METTL8: variants seen among roughly 807,000 people sequenced by gnomAD.
METTL8 encodes tRNA N(3)-cytidine methyltransferase METTL8, mitochondrial.
A neutral mutation model predicts 48.7 loss-of-function variants in METTL8; 32 were observed. The ratio of observed to expected loss-of-function variants is 0.66; its 90% CI spans 0.50 to 0.88. The LOEUF (loss-of-function observed/expected upper bound fraction) is 0.88, where lower values mean the gene tolerates loss of function less well. Ranked by LOEUF, METTL8 falls within the 40% of genes least tolerant of loss-of-function variation. The pLI is 0.00. For synonymous variants in METTL8, 136 were observed against 157.1 expected, an observed-to-expected ratio of 0.87 and a Z score of 1.01; for missense variants, 464 against 474.4, an observed-to-expected ratio of 0.98 and a Z score of 0.20.
At chr2:171,367,180 A>C (rs1685818897) in intron 2 of METTL8, among the ~76,000 whole-genome samples, 1 of 152,152 alleles carries the variant, frequency 6.6e-6, no homozygotes, top group Non-Finnish European at 1.5e-5. Flanking sequence ...GAAGAAAAAG[A>C]AATACTCAAT....
intron 1 of METTL8, among the ~76,000 whole-genome samples, chr2:171,423,131 GT>G (rs1340849930): frequency 6.6e-6 from 1 of 152,188 alleles, no homozygotes; most frequent in African/African-American, 2.4e-5. Flanking sequence ...CTGCTGCCAT[GT>G]GAAGAACGAT....
In METTL8 at chr2:171,324,090, T is replaced by C. The variant is rs775012052; in HGVS notation, c.*82A>G. ...TACAAATTCTCTTCTTTTTTTCTCATTGTCTTTTGAGAAACAATAGACTTA... is the reference window on the plus strand; with the variant it reads ...TACAAATTCTCTTCTTTTTTTCTCACTGTCTTTTGAGAAACAATAGACTTA... On this transcript the variant is annotated 3_prime_UTR_variant, in exon 10 of 10. Coordinates refer to ENST00000375258, the MANE Select transcript of METTL8 (RefSeq NM_001321154.2). The C allele has an allele frequency of 1.5e-4, 164 of 1,066,548 alleles. No individual in the cohort carries two copies. The highest frequency in any genetic ancestry group is 2.0e-4 in the Non-Finnish European group (150 of 756,044). 66.1% of individuals were successfully genotyped at this position (1,066,548 alleles called of 1,614,324 possible). A position where few individuals can be genotyped will look rare whatever the true frequency, so the allele number is the denominator to read the frequency against.
intron 5 of METTL8, among the ~76,000 whole-genome samples, chr2:171,334,494 T>C (rs185340512): frequency 1.3e-5 from 2 of 152,288 alleles, no homozygotes; most frequent in East Asian, 3.9e-4. Context: ...CCTTGGAGAA[T>C]GATATGACCT....
At position 171,392,159 on chromosome 2, in the gene METTL8, A is replaced by G; in HGVS notation, c.27T>C (p.Ile9=). 6.4e-7 allele frequency: 1 copy of G among 1,551,626 alleles called. No homozygotes were observed. Among genetic ancestry groups the G allele is most frequent in the Middle Eastern group, 1.7e-4 (1 of 5,982 alleles). Residue 9 remains isoleucine (I), a synonymous_variant, in exon 2 of 10, where the codon ATT becomes ATC. Coordinates refer to ENST00000375258, the MANE Select transcript of METTL8 (RefSeq NM_001321154.2). The part of the protein sequence containing the change: MNMIWRNS[I]SCLRLGKVPH... Reference sequence around the variant, plus strand: ...GCACCTTTCCTAGCCTTAGACAAGAAATGGAATTTCTCCAAATCATATTCA... The same window carrying G: ...GCACCTTTCCTAGCCTTAGACAAGAGATGGAATTTCTCCAAATCATATTCA...
At chr2:171,355,859 C>T (rs775364149) in intron 3 of METTL8, among the ~76,000 whole-genome samples, 62 of 152,130 alleles carry the variant, frequency 4.1e-4, no homozygotes, top group Non-Finnish European at 7.9e-4. Flanking sequence ...TTCCAGGTGC[C>T]GTCTGTCACC....
At chr2:171,370,430 G>A (rs181592523) in intron 2 of METTL8, among the ~76,000 whole-genome samples, 3 of 152,290 alleles carry the variant, frequency 2.0e-5, no homozygotes, top group South Asian at 2.1e-4. Flanking sequence ...TAGCCCTGAT[G>A]TATGGCAGTG....
intron 1 of METTL8, among the ~76,000 whole-genome samples, chr2:171,426,490 A>C (rs1166647006): frequency 6.6e-6 from 1 of 152,214 alleles, no homozygotes; most frequent in East Asian, 1.9e-4. Flanking sequence ...TGATAAGTAT[A>C]TGGGTGTTCA....
intron 3 of METTL8, among the ~76,000 whole-genome samples, chr2:171,360,202 C>T (rs191068241): frequency 1.1e-4 from 16 of 152,172 alleles, no homozygotes; most frequent in African/African-American, 3.9e-4. Flanking sequence ...GTGTATCTCC[C>T]AGAAAAAGCA....
At position 171,337,486 on chromosome 2, in the gene METTL8, C is replaced by G; in HGVS notation, c.623G>C (p.Gly208Ala). 1.2e-6 allele frequency: 2 copies of G among 1,606,050 alleles called. No individual in the cohort carries two copies. The highest frequency in any genetic ancestry group is 1.7e-6 in the Non-Finnish European group (2 of 1,176,166). Residue 208 changes from glycine to alanine, a missense_variant, in exon 5 of 10, where the codon GGA becomes GCA. Transcript: ENST00000375258. ...GTTCAAAATTGGAAACACACTATTT[C>G]CAGCTCCACAACCAACCTAAAATCA... is the stretch of plus-strand genomic sequence containing the variant. ...FRILEVGCGA[G>A]NSVFPILNTL...
intron 8 of METTL8, 35 bp from the exon 9 acceptor site, chr2:171,325,941 G>T: frequency 6.9e-7 from 1 of 1,455,740 alleles, no homozygotes; most frequent in Non-Finnish European, 9.5e-7. Flanking sequence ...ACTCTTAAGG[G>T]TATTCCTTTA....
chr2:171,352,978 C>T (rs565037632), intron 3 of METTL8, among the ~76,000 whole-genome samples: 1 of 152,098 alleles, frequency 6.6e-6, no homozygotes, highest in Non-Finnish European at 1.5e-5. Flanking sequence ...TTCAGTTCTG[C>T]TCTGATCTTA....
intron 3 of METTL8, among the ~76,000 whole-genome samples, 197 bp from the exon 4 acceptor site, chr2:171,339,751 G>T (rs1402167616): frequency 6.6e-6 from 1 of 152,084 alleles, no homozygotes; most frequent in African/African-American, 2.4e-5. Context: ...CTCAAAATGT[G>T]TCAAAATGTG....
At position 171,356,952 on chromosome 2, in the gene METTL8, A is replaced by ATGTTTTTGTTTTTTTTT; in HGVS notation, c.235+3469_235+3470insAAAAAAAAACAAAAACA. 5.5e-3 allele frequency among the ~76,000 whole-genome samples: 431 copies of ATGTTTTTGTTTTTTTTT among 78,460 alleles called. 53 individuals are homozygous for ATGTTTTTGTTTTTTTTT. The highest frequency in any genetic ancestry group is 0.026 in the Middle Eastern group (2 of 78). The allele number at this position is 78,460 out of a possible 152,430, so 51.5% of individuals were successfully genotyped here. On this transcript the variant is annotated intron_variant, in intron 3 of 9. Coordinates refer to ENST00000375258, the MANE Select transcript of METTL8 (RefSeq NM_001321154.2). ...CAAATTAGCCTTGTTCAAAGACAAT[A>ATGTTTTTGTTTTTTTTT]TTTTTTTTTTTTTTTTTGAGACAGG...
intron 3 of METTL8, among the ~76,000 whole-genome samples, chr2:171,342,288 C>T (rs148011148): frequency 1.3e-5 from 2 of 152,306 alleles, no homozygotes; most frequent in East Asian, 1.9e-4. Flanking sequence ...AAACTCCCAT[C>T]TGTATTTAAG....
chr2:171,426,738 A>T (rs866015141), intron 1 of METTL8, among the ~76,000 whole-genome samples: 5 of 152,262 alleles, frequency 3.3e-5, no homozygotes, highest in Non-Finnish European at 5.9e-5. Flanking sequence ...CTTGTGGTCA[A>T]AAGGTTCAAT....
intron 5 of METTL8, among the ~76,000 whole-genome samples, chr2:171,333,456 C>T (rs1685763868): frequency 1.3e-5 from 2 of 152,170 alleles, no homozygotes; most frequent in African/African-American, 4.8e-5. Flanking sequence ...ATATAATTCA[C>T]TCATTCTATG....
intron 1 of METTL8, among the ~76,000 whole-genome samples, chr2:171,429,992 A>G (rs1692822932): frequency 6.6e-6 from 1 of 151,586 alleles, no homozygotes; most frequent in Admixed American, 6.6e-5. Context: ...GTGAGCCGAG[A>G]TCACACCATT....
intron 1 of METTL8, among the ~76,000 whole-genome samples, chr2:171,419,213 G>C (rs1691634760): frequency 6.6e-6 from 1 of 152,134 alleles, no homozygotes; most frequent in Non-Finnish European, 1.5e-5. Flanking sequence ...TGGGCACCAG[G>C]TGTGTTCCTT....
At chr2:171,434,411 G>A, upstream of METTL8, 2 of 1,214,710 alleles carry the variant, frequency 1.6e-6, no homozygotes, top group Non-Finnish European at 2.3e-6. Context: ...GCTTTCCCTC[G>A]CCCCGCCGTC....
Sources: gnomAD v4.1 joint callset for allele counts (sites outside exome capture counted in the v4.1 genomes callset) on GRCh38, gnomAD v4.1.1 for gene constraint, MANE v1.5 for transcripts, NCBI Gene and HGNC (gene_info 2026-07-23, HGNC 2026-07-21) for gene names.